Variants in HNMT observed in about 807,000 individuals in gnomAD.
The protein encoded by HNMT is histamine N-methyltransferase.
Under a neutral mutation model 32.1 loss-of-function variants are expected in HNMT, and 30 were observed. The ratio of observed to expected loss-of-function variants is 0.93; its 90% CI spans 0.70 to 1.27. The LOEUF is 1.27. Among genes scored for constraint, HNMT ranks in the 50% most tolerant of loss-of-function variants. The pLI is 0.00. For missense variants in HNMT, 327 were observed against 346.0 expected (o/e 0.95, Z 0.43); for synonymous variants, 125 against 119.0 (o/e 1.05, Z -0.33).
At chr2:137,973,726 C>G (rs1680201242) in intron 2 of HNMT, among the ~76,000 whole-genome samples, 1 of 152,086 alleles carries the variant, frequency 6.6e-6, no homozygotes, top group African/African-American at 2.4e-5. Context: ...CAGCTAAAAG[C>G]CTTCCTAGAT....
At chr2:137,967,563 G>A (rs1477917273) in intron 1 of HNMT, 4 of 154,332 alleles carry the variant, frequency 2.6e-5, no homozygotes, top group East Asian at 1.9e-4. Flanking sequence ...CTGTGAAATG[G>A]TTCCTTTTTA....
At chr2:137,991,156 G>C (rs1031166960) in intron 2 of HNMT, among the ~76,000 whole-genome samples, 1 of 152,188 alleles carries the variant, frequency 6.6e-6, no homozygotes, top group African/African-American at 2.4e-5. Context: ...ATGAGAGAAG[G>C]TACACAGAGC....
At chr2:138,011,138 A>T (rs1681491499) in intron 5 of HNMT, among the ~76,000 whole-genome samples, 2 of 151,774 alleles carry the variant, frequency 1.3e-5, no homozygotes, top group Admixed American at 1.3e-4. Context: ...CAGAAATGGC[A>T]CCGAGTCACA....
At chr2:137,970,120 G>A in intron 1 of HNMT, 45 bp from the exon 2 acceptor site, 2 of 1,019,844 alleles carry the variant, frequency 2.0e-6, no homozygotes, top group Non-Finnish European at 3.0e-6. Flanking sequence ...ATTTCACAAA[G>A]CACCTAACAC....
At chr2:138,003,164 G>T (rs1221410118) in intron 4 of HNMT, among the ~76,000 whole-genome samples, 1 of 150,692 alleles carries the variant, frequency 6.6e-6, no homozygotes, top group Non-Finnish European at 1.5e-5. Flanking sequence ...CAGCGCACCA[G>T]CATGGCACAT....
At chr2:137,990,495 G>A (rs940226364) in intron 2 of HNMT, among the ~76,000 whole-genome samples, 1 of 152,084 alleles carries the variant, frequency 6.6e-6, no homozygotes, top group Admixed American at 6.6e-5. Context: ...TAGCTTTATA[G>A]TAAGTCTTGA....
chr2:138,004,506 G>A (rs1471031993), intron 4 of HNMT, among the ~76,000 whole-genome samples: 1 of 151,978 alleles, frequency 6.6e-6, no homozygotes, highest in African/African-American at 2.4e-5. Context: ...GTTCTGTGTT[G>A]GGTGGAAAGG....
At chr2:137,965,809 A>C (rs1378001003) in intron 1 of HNMT, among the ~76,000 whole-genome samples, 1 of 152,208 alleles carries the variant, frequency 6.6e-6, no homozygotes. Flanking sequence ...GTAGCTTACC[A>C]GATCCTTGGT....
At chr2:137,977,052 C>G (rs1680308443) in intron 2 of HNMT, among the ~76,000 whole-genome samples, 1 of 152,138 alleles carries the variant, frequency 6.6e-6, no homozygotes, top group Non-Finnish European at 1.5e-5. Context: ...GATTAAATGA[C>G]TGTATACTTA....
At position 137,966,976 on chromosome 2, in the gene HNMT, T is replaced by C. The variant is rs1287900474; in HGVS notation, c.137+2348T>C. The C allele has an allele frequency of 5.7e-6, 4 of 704,742 alleles. No homozygotes were observed. In the East Asian group the frequency reaches 1.0e-4, roughly 18 times the overall value. The allele number at this position is 704,742 out of a possible 1,614,324, so 43.7% of individuals were successfully genotyped here. A position where few individuals can be genotyped will look rare whatever the true frequency, so the allele number is the denominator to read the frequency against. On this transcript the variant is annotated intron_variant, in intron 1 of 5. Transcript: ENST00000280097. The stretch of plus-strand genomic sequence containing the variant: ...AAGAGTGAACGAGAGGTAAACTTTT[T>C]GAGACTTTGTATGTTTAAAAATCCC...
At chr2:137,968,002 G>C (rs1010325322) in intron 1 of HNMT, among the ~76,000 whole-genome samples, 1 of 152,052 alleles carries the variant, frequency 6.6e-6, no homozygotes, top group African/African-American at 2.4e-5. Flanking sequence ...TGTAAGTCAG[G>C]GCAGGGTTTG....
intron 2 of HNMT, among the ~76,000 whole-genome samples, chr2:137,994,325 G>A (rs1410349062): frequency 6.6e-6 from 1 of 152,164 alleles, no homozygotes; most frequent in Non-Finnish European, 1.5e-5. Context: ...ATAAGGGGAT[G>A]GAGGAAAATT....
At chr2:137,997,293 C>A (rs1681026289) in intron 2 of HNMT, among the ~76,000 whole-genome samples, 1 of 151,898 alleles carries the variant, frequency 6.6e-6, no homozygotes, top group Non-Finnish European at 1.5e-5. Context: ...GATCTAATAT[C>A]CAGAATTTAC....
chr2:137,968,936 C>G (rs1452164273), intron 1 of HNMT, among the ~76,000 whole-genome samples: 1 of 152,162 alleles, frequency 6.6e-6, no homozygotes, highest in Admixed American at 6.5e-5. Flanking sequence ...GCAGTCATCT[C>G]TTTTCCTTCT....
At chr2:137,973,847 C>T (rs926274052) in intron 2 of HNMT, among the ~76,000 whole-genome samples, 1 of 151,692 alleles carries the variant, frequency 6.6e-6, no homozygotes. Flanking sequence ...TATGCCCTAT[C>T]GATTAGCCTC....
chr2:138,015,994 T>C lies in HNMT; in HGVS notation c.*1864T>C, dbSNP rs971818273. On this transcript the variant is annotated 3_prime_UTR_variant, in exon 6 of 6. Transcript: ENST00000280097. ...ACATAAGCCTTTTTAAAGAGAGAAATTCCCATGAAAACCTACTAGTCAGCA... is the reference window on the plus strand; with the variant it reads ...ACATAAGCCTTTTTAAAGAGAGAAACTCCCATGAAAACCTACTAGTCAGCA... The C allele has an allele frequency of 6.6e-6, 1 of 152,110 alleles. No individual in the cohort carries two copies. Among genetic ancestry groups the C allele is most frequent in the Non-Finnish European group, 1.5e-5 (1 of 68,000 alleles). 9.4% of individuals were successfully genotyped at this position (152,110 alleles called of 1,614,324 possible).
chr2:137,978,364 A>T (rs1479279892), intron 2 of HNMT, among the ~76,000 whole-genome samples: 1 of 146,562 alleles, frequency 6.8e-6, no homozygotes, highest in African/African-American at 2.5e-5. Flanking sequence ...ATATAGTATT[A>T]TACAATACAT....
chr2:137,972,233 G>A (rs1680160408), intron 2 of HNMT, among the ~76,000 whole-genome samples: 1 of 152,066 alleles, frequency 6.6e-6, no homozygotes, highest in South Asian at 2.1e-4. Flanking sequence ...AGTCTCCCGA[G>A]TAGCTGGGAT....
chr2:137,971,196 T>C (rs1314692386), intron 2 of HNMT, among the ~76,000 whole-genome samples: 2 of 152,048 alleles, frequency 1.3e-5, no homozygotes, highest in Non-Finnish European at 2.9e-5. Context: ...CTTTTTTTTT[T>C]TGACGGATTC....
Sources: gnomAD v4.1 joint callset for allele counts (sites outside exome capture counted in the v4.1 genomes callset) on GRCh38, gnomAD v4.1.1 for gene constraint, MANE v1.5 for transcripts, NCBI Gene and HGNC (gene_info 2026-07-23, HGNC 2026-07-21) for gene names.